FYB1: variants seen among roughly 807,000 people sequenced by gnomAD.
The protein encoded by FYB1 is FYN binding protein 1, also known as FYN-binding protein 1.
FYB1 carries 41 observed loss-of-function variants against 94.1 expected under a neutral mutation model. That is an observed-to-expected ratio of 0.44 (90% CI 0.34 to 0.57). FYB1 has a LOEUF of 0.57. Among genes scored for constraint, FYB1 ranks in the 20% least tolerant of loss-of-function variants. FYB1 has a pLI of 0.02. For missense variants in FYB1, 1,050 were observed against 976.8 expected, an observed-to-expected ratio of 1.07 and a Z score of -1.00; for synonymous variants, 367 against 353.2, an observed-to-expected ratio of 1.04 and a Z score of -0.44.
At chr5:39,151,580 A>G in intron 3 of FYB1, among the ~76,000 whole-genome samples, 1 of 152,168 alleles carries the variant, frequency 6.6e-6, no homozygotes, top group East Asian at 1.9e-4. Flanking sequence ...GTGAGCCACC[A>G]TGCCCAGCCC....
At chr5:39,200,091 A>ACCTGG in intron 2 of FYB1, among the ~76,000 whole-genome samples, 1 of 152,288 alleles carries the variant, frequency 6.6e-6, no homozygotes, top group Non-Finnish European at 1.5e-5. Context: ...ACAGGATTTA[A>ACCTGG]AATGTGAACT....
intron 2 of FYB1, among the ~76,000 whole-genome samples, chr5:39,197,578 C>T (rs566302354): frequency 2.0e-5 from 3 of 152,330 alleles, no homozygotes; most frequent in East Asian, 3.9e-4. Flanking sequence ...TTTATTTCTT[C>T]CAGGTTGACA....
intron 2 of FYB1, among the ~76,000 whole-genome samples, chr5:39,189,927 TAGA>T (rs1365156218): frequency 6.6e-6 from 1 of 152,144 alleles, no homozygotes; most frequent in Non-Finnish European, 1.5e-5. Context: ...CCATCCAAGT[TAGA>T]AGAAGCAGGA....
At chr5:39,120,843 G>C (rs760859191) in intron 14 of FYB1, among the ~76,000 whole-genome samples, 5 of 151,978 alleles carry the variant, frequency 3.3e-5, no homozygotes, top group Non-Finnish European at 7.4e-5. Flanking sequence ...ATCAGGTTCT[G>C]CGTCTGCCCT....
chr5:39,251,344 A>G (rs935300713), intron 1 of FYB1, among the ~76,000 whole-genome samples: 14 of 152,240 alleles, frequency 9.2e-5, no homozygotes, highest in Non-Finnish European at 1.8e-4. Flanking sequence ...AATTACAACA[A>G]TGGTAACAAC....
At chr5:39,169,628 T>C in intron 2 of FYB1, 2 of 447,228 alleles carry the variant, frequency 4.5e-6, no homozygotes, top group Non-Finnish European at 8.8e-6. Flanking sequence ...GTGGATTACC[T>C]GAGGTCAGGA....
Position 39,202,379 on chromosome 5 carries a change from G to T in FYB1, c.582C>A (p.Pro194=). Residue 194 remains proline (P), a synonymous_variant, in exon 2 of 19, where the codon CCC becomes CCA. Coordinates refer to ENST00000512982, the MANE Select transcript of FYB1 (RefSeq NM_001465.6). ...SQDLEPKPLF[P]KPAFGQKPPL... The stretch of plus-strand genomic sequence containing the variant: ...GCGGCTTCTGGCCAAAGGCGGGTTT[G>T]GGGAAGAGGGGCTTGGGTTCAAGAT... 1 of 1,613,974 alleles carries T rather than the reference G, an allele frequency of 6.2e-7. No homozygotes were observed.
At chr5:39,198,474 A>G (rs1748020964) in intron 2 of FYB1, among the ~76,000 whole-genome samples, 1 of 152,242 alleles carries the variant, frequency 6.6e-6, no homozygotes, top group Admixed American at 6.5e-5. Context: ...GAAAAAAGTT[A>G]AAATCCCATG....
upstream of FYB1, among the ~76,000 whole-genome samples, chr5:39,224,329 C>T (rs548137491): frequency 1.3e-5 from 2 of 152,094 alleles, no homozygotes; most frequent in Non-Finnish European, 2.9e-5. Context: ...TCCCTTACTA[C>T]AGGGATTAAG....
chr5:39,139,314 T>C (rs1741946446), intron 4 of FYB1, 62 bp from the exon 5 acceptor site: 1 of 1,267,752 alleles, frequency 7.9e-7, no homozygotes, highest in South Asian at 1.5e-5. Flanking sequence ...TAATGTAAGA[T>C]TATTGGATAT....
chr5:39,171,283 C>T (rs957772097), intron 2 of FYB1, among the ~76,000 whole-genome samples: 17 of 148,982 alleles, frequency 1.1e-4, no homozygotes, highest in Non-Finnish European at 8.9e-5. Flanking sequence ...GACACTCTGT[C>T]TCCAAAAAAA....
At chr5:39,225,892 T>G (rs1367253272) in intron 1 of FYB1, among the ~76,000 whole-genome samples, 1 of 152,198 alleles carries the variant, frequency 6.6e-6, no homozygotes, top group African/African-American at 2.4e-5. Flanking sequence ...TTGGTTCCAC[T>G]TTTTTAATAG....
intron 2 of FYB1, among the ~76,000 whole-genome samples, chr5:39,187,640 G>A (rs1425268044): frequency 6.6e-6 from 1 of 152,166 alleles, no homozygotes; most frequent in African/African-American, 2.4e-5. Context: ...GTGGGAAGGG[G>A]TATCACCAAG....
chr5:39,192,724 A>C (rs1156770805), intron 2 of FYB1, among the ~76,000 whole-genome samples: 1 of 152,220 alleles, frequency 6.6e-6, no homozygotes, highest in Non-Finnish European at 1.5e-5. Context: ...CTGTAAACTA[A>C]ATGATAAGTA....
At chr5:39,225,659 T>C (rs1043766783) in intron 1 of FYB1, among the ~76,000 whole-genome samples, 1 of 152,228 alleles carries the variant, frequency 6.6e-6, no homozygotes, top group Non-Finnish European at 1.5e-5. Context: ...TTAACCATTA[T>C]AAAGTGCAAA....
upstream of FYB1, among the ~76,000 whole-genome samples, chr5:39,221,569 G>A (rs1380825589): frequency 6.6e-6 from 1 of 152,154 alleles, no homozygotes. Context: ...TTCTGCATGG[G>A]GGCAGAAGAG....
rs537337311 is a variant in FYB1 at position 39,251,867 on chromosome 5, G to A, written c.-28+22536C>T. Among the ~76,000 whole-genome samples, 8 of 152,232 alleles carry A rather than the reference G, an allele frequency of 5.3e-5. No individual in the cohort carries two copies. In the East Asian group the frequency reaches 1.4e-3, roughly 26 times the overall value. ...AGGTACAAAAATAAAATATAGGGCC[G>A]GGTGCAGCGGCTCACACCTGTAATC... On this transcript the variant is annotated intron_variant, in intron 1 of 1. Transcript: ENST00000510188.
In FYB1 at chr5:39,169,360, G is replaced by A. The variant is rs56395507; in HGVS notation, c.1136-15756C>T. Reference sequence around the variant, plus strand: ...AAAATTCCCAGACGAATACTAAACCGGTCAATTGAACTAGCTTTGTGAATT... The same window carrying A: ...AAAATTCCCAGACGAATACTAAACCAGTCAATTGAACTAGCTTTGTGAATT... On this transcript the variant is annotated intron_variant, in intron 2 of 18. Transcript: ENST00000512982. The A allele has an allele frequency of 9.9e-4, 748 of 754,640 alleles. 5 individuals are homozygous for A. In the African/African-American group the frequency reaches 0.012, roughly 12 times the overall value. The allele number at this position is 754,640 out of a possible 1,614,324, so 46.7% of individuals were successfully genotyped here.
chr5:39,113,933 T>C (rs1036838380), intron 16 of FYB1, among the ~76,000 whole-genome samples: 3 of 152,134 alleles, frequency 2.0e-5, no homozygotes, highest in Admixed American at 6.6e-5. Flanking sequence ...ACTCTTCCCC[T>C]CTTCTCTGTT....
Sources: gnomAD v4.1 joint callset for allele counts (sites outside exome capture counted in the v4.1 genomes callset) on GRCh38, gnomAD v4.1.1 for gene constraint, MANE v1.5 for transcripts, NCBI Gene and HGNC (gene_info 2026-07-23, HGNC 2026-07-21) for gene names.